Variants in EIF2S1 observed in about 807,000 individuals in gnomAD.
EIF2S1 encodes the protein eukaryotic translation initiation factor 2 subunit alpha.
A neutral mutation model predicts 33.5 loss-of-function variants in EIF2S1; 5 were observed. The ratio of observed to expected loss-of-function variants is 0.15; its 90% CI spans 0.08 to 0.31. EIF2S1 has a LOEUF of 0.31. EIF2S1 is among the 10% of genes least tolerant of loss of function. The pLI is 1.00. For synonymous variants in EIF2S1, 99 were observed against 127.5 expected (o/e 0.78, Z 1.51); for missense variants, 191 against 384.6 (o/e 0.50, Z 4.21).
intron 1 of EIF2S1, among the ~76,000 whole-genome samples, chr14:67,363,070 G>A (rs1022577131): frequency 6.6e-5 from 10 of 152,148 alleles, no homozygotes; most frequent in African/African-American, 2.4e-4. Context: ...GTAAGTAAAT[G>A]TGGTTTTCAC....
intron 6 of EIF2S1, 89 bp from the exon 7 acceptor site, chr14:67,382,358 A>G: frequency 8.0e-7 from 1 of 1,244,334 alleles, no homozygotes; most frequent in South Asian, 1.5e-5. Flanking sequence ...TGATTTGTTA[A>G]TACAGCAGAT....
intron 2 of EIF2S1, among the ~76,000 whole-genome samples, chr14:67,368,246 G>A (rs929261317): frequency 5.3e-5 from 8 of 152,168 alleles, no homozygotes; most frequent in Non-Finnish European, 8.8e-5. Context: ...TGCTTTTGGC[G>A]GGCCTTGGGG....
chr14:67,360,436 G>C lies in EIF2S1; in HGVS notation c.-22G>C, dbSNP rs144874462. 3.5e-4 allele frequency: 135 copies of C among 388,730 alleles called. No homozygotes were observed. Among genetic ancestry groups the C allele is most frequent in the African/African-American group, 2.6e-3 (125 of 48,498 alleles). 24.1% of individuals were successfully genotyped at this position (388,730 alleles called of 1,614,324 possible). A position where few individuals can be genotyped will look rare whatever the true frequency, so the allele number is the denominator to read the frequency against. ...GAAGTCGGCTCTGGGCTCCAGTGCG[G>C]GAATCACACACATACCTCAGGTGAC... On this transcript the variant is annotated 5_prime_UTR_variant, in exon 1 of 8. Coordinates refer to ENST00000256383, the MANE Select transcript of EIF2S1 (RefSeq NM_004094.5).
In EIF2S1 at chr14:67,373,377, G is replaced by GTA. The variant is rs201541687; in HGVS notation, c.242-1087_242-1086dup. On this transcript the variant is annotated intron_variant, in intron 2 of 7. Transcript: ENST00000256383. ...GCTCAGAATCTGAAATAAAATCAGTGTATATGAACAGAATATAGGAGGAAA... is the reference window on the plus strand; with the variant it reads ...GCTCAGAATCTGAAATAAAATCAGTGTATATATGAACAGAATATAGGAGGAAA... Among the ~76,000 whole-genome samples, 1,153 of 152,288 alleles carry GTA rather than the reference G, an allele frequency of 7.6e-3. 14 individuals are homozygous for GTA. Among genetic ancestry groups the GTA allele is most frequent in the African/African-American group, 0.025 (1,037 of 41,546 alleles).
At chr14:67,376,652 A>G in intron 4 of EIF2S1, 62 bp downstream of exon 4, 1 of 1,544,700 alleles carries the variant, frequency 6.5e-7, no homozygotes, top group Non-Finnish European at 8.8e-7. Context: ...CTGATATTTA[A>G]CAGCATAGCA....
At chr14:67,373,523 A>G (rs1287041258) in intron 2 of EIF2S1, among the ~76,000 whole-genome samples, 2 of 152,186 alleles carry the variant, frequency 1.3e-5, no homozygotes, top group African/African-American at 4.8e-5. Context: ...GTCTAGAAAA[A>G]CACCACAGAC....
intron 6 of EIF2S1, among the ~76,000 whole-genome samples, chr14:67,382,172 A>G (rs1398173585): frequency 6.6e-6 from 1 of 152,030 alleles, no homozygotes. Flanking sequence ...GCCACCAAAG[A>G]TACACGGAAA....
At chr14:67,380,791 A>C (rs750736140) in intron 5 of EIF2S1, 26 bp downstream of exon 5, 2 of 1,369,040 alleles carry the variant, frequency 1.5e-6, no homozygotes, top group South Asian at 3.0e-5. Flanking sequence ...AATGATTTTT[A>C]CAGTATTTTG....
intron 6 of EIF2S1, 22 bp downstream of exon 6, chr14:67,381,712 T>G: frequency 6.4e-7 from 1 of 1,554,862 alleles, no homozygotes; most frequent in Non-Finnish European, 8.9e-7. Flanking sequence ...GTTGTCTCCC[T>G]CCCTGCTGAA....
At chr14:67,367,240 CTT>C (rs1218184601) in intron 2 of EIF2S1, among the ~76,000 whole-genome samples, 1 of 152,108 alleles carries the variant, frequency 6.6e-6, no homozygotes, top group African/African-American at 2.4e-5. Context: ...TCTATATTCT[CTT>C]TTTTTGGGGG....
chr14:67,373,615 C>T (rs2085838882), intron 2 of EIF2S1, among the ~76,000 whole-genome samples: 2 of 152,176 alleles, frequency 1.3e-5, no homozygotes, highest in Admixed American at 1.3e-4. Flanking sequence ...TTGCCAGGCA[C>T]AGGTTTGTAG....
intron 1 of EIF2S1, among the ~76,000 whole-genome samples, chr14:67,362,641 C>G (rs897888001): frequency 6.6e-6 from 1 of 151,992 alleles, no homozygotes; most frequent in Non-Finnish European, 1.5e-5. Context: ...TGTTAATTGC[C>G]TGATTTGACA....
intron 2 of EIF2S1, among the ~76,000 whole-genome samples, chr14:67,369,922 G>A (rs1277266796): frequency 6.6e-6 from 1 of 152,206 alleles, no homozygotes; most frequent in Non-Finnish European, 1.5e-5. Flanking sequence ...ATATAGGGGT[G>A]TGAAGTGGGA....
At chr14:67,380,073 T>G (rs1037381563) in intron 4 of EIF2S1, among the ~76,000 whole-genome samples, 58 of 152,144 alleles carry the variant, frequency 3.8e-4, no homozygotes, top group African/African-American at 1.3e-3. Flanking sequence ...TATCATAACT[T>G]TTTTACAATA....
At chr14:67,382,716 C>G in intron 7 of EIF2S1, 126 bp downstream of exon 7, 1 of 1,097,122 alleles carries the variant, frequency 9.1e-7, no homozygotes, top group Non-Finnish European at 1.4e-6. Flanking sequence ...CCTTTGATCA[C>G]TAATGGTGTT....
At chr14:67,370,415 G>A (rs1399806138) in intron 2 of EIF2S1, among the ~76,000 whole-genome samples, 1 of 152,162 alleles carries the variant, frequency 6.6e-6, no homozygotes, top group Admixed American at 6.5e-5. Context: ...CAGTATCAAA[G>A]TTAAAAACTT....
At chr14:67,363,679 G>A (rs541573665) in intron 1 of EIF2S1, among the ~76,000 whole-genome samples, 9 of 152,270 alleles carry the variant, frequency 5.9e-5, no homozygotes, top group Admixed American at 2.0e-4. Context: ...ACCACAAGGA[G>A]ATAGGCAATG....
intron 4 of EIF2S1, among the ~76,000 whole-genome samples, chr14:67,379,179 G>T (rs975548077): frequency 2.0e-5 from 3 of 152,166 alleles, no homozygotes; most frequent in Non-Finnish European, 2.9e-5. Flanking sequence ...AATAGTGTAT[G>T]TGTCTCTATA....
Position 67,383,659 on chromosome 14 carries a change from G to A in EIF2S1, c.*219G>A, listed in dbSNP as rs2085902554. On this transcript the variant is annotated 3_prime_UTR_variant, in exon 8 of 8. Coordinates refer to ENST00000256383, the MANE Select transcript of EIF2S1 (RefSeq NM_004094.5). ...ACACTTTGAGCATTTTTAAGGGAGT[G>A]GCCTCATTTCACTAGAGACAAATCT... The A allele has an allele frequency of 1.9e-6, 1 of 518,296 alleles. No individual in the cohort carries two copies. The highest frequency in any genetic ancestry group is 3.4e-6 in the Non-Finnish European group (1 of 296,858). The allele number at this position is 518,296 out of a possible 1,614,324, so 32.1% of individuals were successfully genotyped here.
Sources: gnomAD v4.1 joint callset for allele counts (sites outside exome capture counted in the v4.1 genomes callset) on GRCh38, gnomAD v4.1.1 for gene constraint, MANE v1.5 for transcripts, NCBI Gene and HGNC (gene_info 2026-07-23, HGNC 2026-07-21) for gene names.